The following NOL9 variants were observed in gnomAD, a reference collection of about 807,000 sequenced individuals.
The protein encoded by NOL9 is nucleolar protein 9.
A neutral mutation model predicts 67.9 loss-of-function variants in NOL9; 28 were observed. That is an observed-to-expected ratio of 0.41 (90% CI 0.31 to 0.57). The LOEUF (loss-of-function observed/expected upper bound fraction) is 0.57, where lower values mean the gene tolerates loss of function less well. Among genes scored for constraint, NOL9 ranks in the 20% least tolerant of loss-of-function variants. The probability of loss-of-function intolerance (pLI) is 0.25; values close to 1 mark genes in which losing one functional copy is unlikely to be tolerated. For missense variants in NOL9, 777 were observed against 897.0 expected (o/e 0.87, Z 1.71); for synonymous variants, 356 against 352.2 (o/e 1.01, Z -0.12).
Position 6,533,275 on chromosome 1 carries a change from C to T in NOL9, c.1237+5G>A. 1.0e-5 allele frequency: 16 copies of T among 1,581,448 alleles called. No individual in the cohort carries two copies. The highest frequency in any genetic ancestry group is 1.3e-5 in the Non-Finnish European group (15 of 1,161,116). ...TCCCTTGCAGATGTGCACATGCAGG[C>T]TTACCTGAAACCCATCCCATAGTGT... is the stretch of plus-strand genomic sequence containing the variant. On this transcript the variant is annotated splice_donor_5th_base_variant and intron_variant, in intron 7 of 11. Transcript: ENST00000377705.
chr1:6,531,554 C>T (rs919182392), intron 9 of NOL9, among the ~76,000 whole-genome samples: 1 of 152,088 alleles, frequency 6.6e-6, no homozygotes, highest in African/African-American at 2.4e-5. Context: ...TGCCAGGTTC[C>T]ACTGTGAACG....
chr1:6,538,326 A>G (rs569991602), intron 6 of NOL9, among the ~76,000 whole-genome samples: 1 of 152,308 alleles, frequency 6.6e-6, no homozygotes, highest in Admixed American at 6.5e-5. Flanking sequence ...AAGAACTACT[A>G]TTAATACGAA....
intron 5 of NOL9, among the ~76,000 whole-genome samples, chr1:6,542,725 G>T (rs1434092274): frequency 3.3e-5 from 5 of 152,094 alleles, no homozygotes; most frequent in Non-Finnish European, 7.4e-5. Flanking sequence ...CCAAAGTGCT[G>T]GGATTACAGG....
intron 3 of NOL9, chr1:6,547,987 T>A: frequency 3.3e-6 from 1 of 299,626 alleles, no homozygotes; most frequent in Non-Finnish European, 6.7e-6. Flanking sequence ...ATAGGCTTCC[T>A]ACAATACAGG....
intron 1 of NOL9, 111 bp downstream of exon 1, chr1:6,553,996 C>T (rs1282685625): frequency 3.7e-5 from 32 of 863,452 alleles, no homozygotes; most frequent in South Asian, 1.9e-5. Context: ...CGACTGGCAG[C>T]CAGAGAACAG....
intron 3 of NOL9, among the ~76,000 whole-genome samples, chr1:6,546,202 A>C (rs1179951538): frequency 6.6e-6 from 1 of 152,192 alleles, no homozygotes; most frequent in Non-Finnish European, 1.5e-5. Context: ...GTATCCAAGA[A>C]AGAGCATAAG....
In NOL9 at chr1:6,532,067, G is replaced by A; in HGVS notation, c.1548C>T (p.Asn516=). The A allele has an allele frequency of 6.2e-7, 1 of 1,613,966 alleles. No homozygotes were observed. Residue 516 remains asparagine (N), a synonymous_variant, in exon 9 of 12, where the codon AAC becomes AAT. Transcript: ENST00000377705. The part of the protein sequence containing the change: ...RITPRNRESH[N]KILRDLSILS... ...AGATGGACAGATCTCGAAGAATTTT[G>A]TTATGTGACTCTCTGAAAGGCAAAT... is the stretch of plus-strand genomic sequence containing the variant.
intron 6 of NOL9, among the ~76,000 whole-genome samples, chr1:6,534,167 G>A (rs1010752610): frequency 3.9e-5 from 6 of 152,104 alleles, no homozygotes; most frequent in Admixed American, 3.3e-4. Flanking sequence ...GATTACAGGC[G>A]TGAGCCACCA....
chr1:6,535,362 G>A (rs777553531), intron 6 of NOL9, among the ~76,000 whole-genome samples: 23 of 152,134 alleles, frequency 1.5e-4, no homozygotes, highest in Non-Finnish European at 2.9e-4. Context: ...AAGAGAAAGT[G>A]AAAGATGACC....
Position 6,551,063 on chromosome 1 carries a change from A to G in NOL9, c.397-448T>C, listed in dbSNP as rs535808191. Among the ~76,000 whole-genome samples the G allele has an allele frequency of 5.9e-5, 9 of 152,082 alleles. No individual in the cohort carries two copies. In the South Asian group the frequency reaches 1.7e-3, roughly 28 times the overall value. ...ACAGTGGCTCATGCTTGTGATCCCAACACTTTGGGAAGCTGAGACAGGAGG... is the reference window on the plus strand; with the variant it reads ...ACAGTGGCTCATGCTTGTGATCCCAGCACTTTGGGAAGCTGAGACAGGAGG... On this transcript the variant is annotated intron_variant, in intron 1 of 11. Coordinates refer to ENST00000377705, the MANE Select transcript of NOL9 (RefSeq NM_024654.5).
intron 9 of NOL9, 50 bp from the exon 10 acceptor site, chr1:6,529,221 C>A: frequency 6.6e-7 from 1 of 1,515,352 alleles, no homozygotes; most frequent in Non-Finnish European, 9.1e-7. Context: ...TTTGAAAGAC[C>A]ACTTAATTTC....
chr1:6,544,436 A>G (rs1263085368), intron 5 of NOL9, among the ~76,000 whole-genome samples: 1 of 151,528 alleles, frequency 6.6e-6, no homozygotes, highest in Non-Finnish European at 1.5e-5. Context: ...CAGGAGGATC[A>G]CTTGAGCCCA....
At chr1:6,535,496 A>G (rs1022468496) in intron 6 of NOL9, among the ~76,000 whole-genome samples, 1 of 152,228 alleles carries the variant, frequency 6.6e-6, no homozygotes, top group African/African-American at 2.4e-5. Context: ...CTAGGACGTA[A>G]GAGGAGCTCA....
In NOL9 at chr1:6,532,815, A is replaced by G. The variant is rs1639062780; in HGVS notation, c.1238-55T>C. 2.7e-6 allele frequency: 4 copies of G among 1,462,200 alleles called. No individual in the cohort carries two copies. The African/African-American group carries it at 4.2e-5, about 15-fold the overall frequency. The allele number at this position is 1,462,200 out of a possible 1,614,324, so 90.6% of individuals were successfully genotyped here. Reference sequence around the variant, plus strand: ...TACACTCAAGAACAGTGACGCGCTCAAGAACAGTGACATGCTCCTACGACA... The same window carrying G: ...TACACTCAAGAACAGTGACGCGCTCGAGAACAGTGACATGCTCCTACGACA... On this transcript the variant is annotated intron_variant, in intron 7 of 11. Transcript: ENST00000377705.
intron 1 of NOL9, among the ~76,000 whole-genome samples, chr1:6,551,110 A>G (rs1179648889): frequency 6.6e-6 from 1 of 152,134 alleles, no homozygotes; most frequent in Non-Finnish European, 1.5e-5. Context: ...CCAGAAGTTC[A>G]AGATCAGCCT....
chr1:6,547,663 T>C (rs1181453939), intron 3 of NOL9, among the ~76,000 whole-genome samples: 1 of 152,114 alleles, frequency 6.6e-6, no homozygotes, highest in African/African-American at 2.4e-5. Context: ...GTGACCAGCC[T>C]GGGCAACATG....
intron 1 of NOL9, among the ~76,000 whole-genome samples, chr1:6,551,318 G>A (rs1223035189): frequency 3.3e-5 from 5 of 152,182 alleles, no homozygotes; most frequent in East Asian, 1.9e-4. Flanking sequence ...GGTGGCTCAC[G>A]CCAGTAATCC....
chr1:6,527,376 C>A (rs942897204), intron 10 of NOL9, among the ~76,000 whole-genome samples: 1 of 151,792 alleles, frequency 6.6e-6, no homozygotes, highest in Non-Finnish European at 1.5e-5. Context: ...GGGCCAGCTG[C>A]GGTGGCTATG....
chr1:6,527,139 C>G (rs571016550), intron 10 of NOL9, among the ~76,000 whole-genome samples: 1 of 151,246 alleles, frequency 6.6e-6, no homozygotes, highest in African/African-American at 2.4e-5. Context: ...CCCAGCTACT[C>G]GGGAGGCCGA....
Sources: allele counts gnomAD v4.1 joint callset (sites outside exome capture counted in the v4.1 genomes callset), GRCh38; gene constraint gnomAD v4.1.1; transcripts MANE v1.5; gene names NCBI Gene and HGNC (gene_info 2026-07-23, HGNC 2026-07-21).